The following PCDHGA1 variants were observed in gnomAD, a reference collection of about 807,000 sequenced individuals.
PCDHGA1 encodes protocadherin gamma subfamily A, 1, also known as protocadherin gamma-A1.
Under a neutral mutation model 58.0 loss-of-function variants are expected in PCDHGA1, and 32 were observed. The ratio of observed to expected loss-of-function variants is 0.55; its 90% confidence interval spans 0.42 to 0.74. The LOEUF (loss-of-function observed/expected upper bound fraction) is 0.74. Among genes scored for constraint, PCDHGA1 ranks in the 30% least tolerant of loss-of-function variants. The probability of loss-of-function intolerance (pLI) is 0.00; values close to 1 mark genes in which losing one functional copy is unlikely to be tolerated. For missense variants in PCDHGA1, 1,205 were observed against 1,182.3 expected (o/e 1.02, Z -0.28); for synonymous variants, 498 against 501.1 (o/e 0.99, Z 0.08).
chr5:141,400,189 C>T (rs376855933), intron 1 of PCDHGA1: 52 of 1,613,938 alleles, frequency 3.2e-5, no homozygotes, highest in Non-Finnish European at 4.2e-5. Flanking sequence ...GCAGTTTTAC[C>T]TAGTGGTGGC....
chr5:141,413,051 C>T (rs1316813444), intron 1 of PCDHGA1: 1 of 952,822 alleles, frequency 1.0e-6, no homozygotes, highest in African/African-American at 1.7e-5. Context: ...TGCAGGGAAG[C>T]TCACTCCAGA....
chr5:141,445,034 A>T (rs963629240), intron 1 of PCDHGA1, among the ~76,000 whole-genome samples: 4 of 152,156 alleles, frequency 2.6e-5, no homozygotes, highest in Admixed American at 2.0e-4. Context: ...GCTATGTTGT[A>T]TAGTTTTCAG....
At chr5:141,365,775 GCGACAACGCTC>G (rs763426695) in intron 1 of PCDHGA1, 1 of 1,613,864 alleles carries the variant, frequency 6.2e-7, no homozygotes, top group East Asian at 2.2e-5. Flanking sequence ...CCCGACAGCG[GCGACAACGCTC>G]GAGTCACCTA....
At chr5:141,371,051 G>T in intron 1 of PCDHGA1, 1 of 1,613,960 alleles carries the variant, frequency 6.2e-7, no homozygotes, top group Non-Finnish European at 8.5e-7. Flanking sequence ...ATGGGGGCGA[G>T]CCCTCCAGAA....
At position 141,511,271 on chromosome 5, in the gene PCDHGA1, C is replaced by T. The variant is rs371445452; in HGVS notation, c.*98C>T. ...GCCTCAGAGTTTCAGGGCTAACCCC[C>T]AGAATACTGGTAGGGGCCAAGGCCA... On this transcript the variant is annotated 3_prime_UTR_variant, in exon 4 of 4. Transcript: ENST00000517417. 9.1e-6 allele frequency: 14 copies of T among 1,544,094 alleles called. No individual in the cohort carries two copies. In the African/African-American group the frequency reaches 1.6e-4, roughly 18 times the overall value.
In PCDHGA1 at chr5:141,511,149, G is replaced by T; in HGVS notation, c.2772G>T (p.Lys924Asn). The change falls in exon 4 of 4, where the codon AAG becomes AAT. Residue 924 changes from lysine to asparagine, a missense_variant. By Grantham distance (94) the Lys-to-Asn change is moderately conservative. Transcript: ENST00000517417. ...APAGGNGNKKKSGKKEKK is the reference protein window; with the variant it reads ...APAGGNGNKKNSGKKEKK The stretch of plus-strand genomic sequence containing the variant: ...CAGGTGGCAATGGCAACAAGAAGAA[G>T]TCGGGCAAGAAGGAGAAGAAGTAAC... 1 of 1,614,176 alleles carries T rather than the reference G, an allele frequency of 6.2e-7. No homozygotes were observed. The highest frequency in any genetic ancestry group is 8.5e-7 in the Non-Finnish European group (1 of 1,179,998).
intron 1 of PCDHGA1, chr5:141,374,341 C>G: frequency 7.4e-6 from 12 of 1,613,988 alleles, no homozygotes; most frequent in Non-Finnish European, 8.5e-6. Flanking sequence ...GCTTGGTCAC[C>G]GCGGGTAGGA....
intron 1 of PCDHGA1, chr5:141,409,528 C>T (rs1488294674): frequency 3.1e-6 from 5 of 1,613,882 alleles, no homozygotes; most frequent in Non-Finnish European, 4.2e-6. Context: ...CCTTGTATGT[C>T]GCTGACATCA....
At chr5:141,480,167 G>C (rs752444894) in intron 1 of PCDHGA1, among the ~76,000 whole-genome samples, 3 of 151,964 alleles carry the variant, frequency 2.0e-5, no homozygotes, top group Non-Finnish European at 2.9e-5. Flanking sequence ...ATTTTGGGAG[G>C]CTGAGGCAGG....
intron 1 of PCDHGA1, chr5:141,379,317 C>T (rs914765409): frequency 1.3e-5 from 2 of 152,162 alleles, no homozygotes; most frequent in East Asian, 1.9e-4. Context: ...AACAAGAGAT[C>T]TAATCATACA....
intron 1 of PCDHGA1, chr5:141,421,914 T>C: frequency 4.3e-6 from 7 of 1,613,742 alleles, no homozygotes; most frequent in Non-Finnish European, 5.9e-6. Flanking sequence ...CAGTTCCCAT[T>C]CGTGTGGTGG....
chr5:141,409,647 G>A, intron 1 of PCDHGA1: 2 of 1,613,668 alleles, frequency 1.2e-6, no homozygotes, highest in Non-Finnish European at 1.7e-6. Context: ...CCGGATTTGG[G>A]GCTCAATGGC....
At chr5:141,338,821 C>T (rs915174593) in intron 1 of PCDHGA1, 3 of 1,388,204 alleles carry the variant, frequency 2.2e-6, no homozygotes, top group Non-Finnish European at 2.8e-6. Context: ...AGCTTCAGGA[C>T]ACCAAAGAAA....
chr5:141,499,408 G>C (rs1178843162), intron 2 of PCDHGA1, among the ~76,000 whole-genome samples: 1 of 151,896 alleles, frequency 6.6e-6, no homozygotes, highest in Non-Finnish European at 1.5e-5. Context: ...GCTCATTATA[G>C]AAACATGAAA....
chr5:141,395,439 A>G, intron 1 of PCDHGA1: 1 of 679,568 alleles, frequency 1.5e-6, no homozygotes, highest in Non-Finnish European at 2.3e-6. Context: ...AACGACTTGG[A>G]AAAGATTGTT....
intron 1 of PCDHGA1, chr5:141,344,087 G>C (rs773210935): frequency 1.2e-6 from 2 of 1,611,490 alleles, no homozygotes; most frequent in Non-Finnish European, 1.7e-6. Context: ...TGCTGTGCGC[G>C]CTCCTGGGGA....
intron 1 of PCDHGA1, among the ~76,000 whole-genome samples, chr5:141,381,361 G>A (rs1050283609): frequency 6.6e-6 from 1 of 152,198 alleles, no homozygotes; most frequent in Admixed American, 6.5e-5. Context: ...CTAGCAGAGG[G>A]TAGCCTCGGA....
intron 1 of PCDHGA1, chr5:141,417,692 C>A: frequency 9.2e-7 from 1 of 1,089,116 alleles, no homozygotes; most frequent in Non-Finnish European, 1.3e-6. Context: ...AAAAGAAAAC[C>A]AGCTCCCACA....
At chr5:141,419,392 C>A (rs1338481275) in intron 1 of PCDHGA1, 1 of 1,613,612 alleles carries the variant, frequency 6.2e-7, no homozygotes, top group Non-Finnish European at 8.5e-7. Flanking sequence ...GCGCGCAGAG[C>A]GGGGTGGTGT....
Sources: allele counts gnomAD v4.1 joint callset (sites outside exome capture counted in the v4.1 genomes callset), GRCh38; gene constraint gnomAD v4.1.1; transcripts MANE v1.5; gene names NCBI Gene and HGNC (gene_info 2026-07-23, HGNC 2026-07-21).